ATXN10: variants seen among roughly 807,000 people sequenced by gnomAD.
ATXN10 encodes the protein ataxin-10.
ATXN10 carries 28 observed loss-of-function variants against 52.9 expected under a neutral mutation model. The ratio of observed to expected loss-of-function variants is 0.53; its 90% CI spans 0.39 to 0.73. The LOEUF (loss-of-function observed/expected upper bound fraction) is 0.73. ATXN10 is among the 30% of genes least tolerant of loss of function. ATXN10 has a pLI of 0.00. For missense variants in ATXN10, 565 were observed against 577.0 expected, an observed-to-expected ratio of 0.98 and a Z score of 0.21; for synonymous variants, 226 against 221.5, an observed-to-expected ratio of 1.02 and a Z score of -0.18.
At chr22:45,807,739 C>A (rs181953525) in intron 10 of ATXN10, among the ~76,000 whole-genome samples, 1 of 152,200 alleles carries the variant, frequency 6.6e-6, no homozygotes, top group African/African-American at 2.4e-5. Flanking sequence ...TTTAATTTCA[C>A]GAACTTCCCT....
chr22:45,821,070 C>G (rs989988614), intron 10 of ATXN10, among the ~76,000 whole-genome samples: 17 of 152,178 alleles, frequency 1.1e-4, no homozygotes, highest in African/African-American at 3.9e-4. Context: ...AATGATGACT[C>G]TGTCAGATTC....
chr22:45,721,453 C>A (rs1924646524), intron 6 of ATXN10, among the ~76,000 whole-genome samples: 1 of 152,170 alleles, frequency 6.6e-6, no homozygotes, highest in South Asian at 2.1e-4. Flanking sequence ...CAGTGCCTGG[C>A]ATGTAATGGT....
chr22:45,695,742 T>C (rs1923581765), intron 3 of ATXN10, among the ~76,000 whole-genome samples: 1 of 151,908 alleles, frequency 6.6e-6, no homozygotes, highest in Non-Finnish European at 1.5e-5. Context: ...TCTACCCACC[T>C]CGGCCTCTCA....
chr22:45,844,450 T>C lies in ATXN10; in HGVS notation c.*779T>C, dbSNP rs1929445803. On this transcript the variant is annotated 3_prime_UTR_variant, in exon 12 of 12. Coordinates refer to ENST00000252934, the MANE Select transcript of ATXN10 (RefSeq NM_013236.4). ...TGCAGTGCCGTAGATTAAAGGTACATTTCTATCTTCTTTGATTTAAAAAGC... is the reference window on the plus strand; with the variant it reads ...TGCAGTGCCGTAGATTAAAGGTACACTTCTATCTTCTTTGATTTAAAAAGC... The C allele has an allele frequency of 6.6e-6, 1 of 152,234 alleles. No individual in the cohort carries two copies. Among genetic ancestry groups the C allele is most frequent in the Non-Finnish European group, 1.5e-5 (1 of 68,058 alleles). The allele number at this position is 152,234 out of a possible 1,614,324, so 9.4% of individuals were successfully genotyped here.
chr22:45,805,793 CTG>C lies in ATXN10; in HGVS notation c.1174-1163_1174-1162del, dbSNP rs1032701204. 6.6e-6 allele frequency among the ~76,000 whole-genome samples: 1 copy of C among 152,102 alleles called. No individual in the cohort carries two copies. The highest frequency in any genetic ancestry group is 2.4e-5 in the African/African-American group (1 of 41,394). ...GGATCATGCTAATGGTTATATAACT[CTG>C]TGAATATACTGAAAACCACCAAATT... On this transcript the variant is annotated intron_variant, in intron 9 of 11. Coordinates refer to ENST00000252934, the MANE Select transcript of ATXN10 (RefSeq NM_013236.4). This position sits in a 1 kb window ranked among gnomAD's most constrained non-coding sequence, Gnocchi z 4.4.
In ATXN10 at chr22:45,775,779, C is replaced by T. The variant is rs1053305222; in HGVS notation, c.1174-31180C>T. On this transcript the variant is annotated intron_variant, in intron 9 of 11. Transcript: ENST00000252934. This position sits in a 1 kb window ranked among gnomAD's most constrained non-coding sequence, Gnocchi z 4.7. ...TGCCTCATGTCATGACCTGGGTCTC[C>T]GATTTATTTAGCACGGTAGCACCAA... is the stretch of plus-strand genomic sequence containing the variant. Among the ~76,000 whole-genome samples the T allele has an allele frequency of 1.3e-5, 2 of 152,142 alleles. No homozygotes were observed. Among genetic ancestry groups the T allele is most frequent in the African/African-American group, 4.8e-5 (2 of 41,426 alleles).
rs191494841 is a variant in ATXN10, at chr22:45,682,482, A to T, written c.117-7230A>T. ...ACCACCACACCCGGCTATTTTTTAA[A>T]TTTTTTTTGTAGAGACAGGGTCTTA... On this transcript the variant is annotated intron_variant, in intron 1 of 11. Coordinates refer to ENST00000252934, the MANE Select transcript of ATXN10 (RefSeq NM_013236.4). Among the ~76,000 whole-genome samples, 6 of 151,684 alleles carry T rather than the reference A, an allele frequency of 4.0e-5. No homozygotes were observed. In the East Asian group the frequency reaches 9.7e-4, roughly 25 times the overall value.
At chr22:45,832,502 G>A (rs1929026967) in intron 10 of ATXN10, among the ~76,000 whole-genome samples, 1 of 152,180 alleles carries the variant, frequency 6.6e-6, no homozygotes, top group Non-Finnish European at 1.5e-5. Context: ...ATTATGCTCT[G>A]TCACCCCTTT....
rs138156 is a variant in ATXN10, at chr22:45,718,518, G to T, written c.728+25G>T. On this transcript the variant is annotated intron_variant, in intron 6 of 11. Coordinates refer to ENST00000252934, the MANE Select transcript of ATXN10 (RefSeq NM_013236.4). The surrounding 1 kb of genome is among the most constrained non-coding windows in gnomAD (Gnocchi z 4.4). ...GGTAACCCCCCAACCAGCGTGGTCT[G>T]GAGTATTTAGCATTCCATATAGGGT... 0.35 allele frequency: 553,256 copies of T among 1,594,808 alleles called. 100,704 individuals carry two copies. The highest frequency in any genetic ancestry group is 0.65 in the African/African-American group (48,511 of 74,526).
chr22:45,678,237 A>G lies in ATXN10; in HGVS notation c.116+6058A>G, dbSNP rs1298011539. The G allele has an allele frequency of 6.6e-6, 1 of 152,236 alleles. No homozygotes were observed. The highest frequency in any genetic ancestry group is 2.4e-5 in the African/African-American group (1 of 41,456). 9.4% of individuals were successfully genotyped at this position (152,236 alleles called of 1,614,324 possible). ...CAACATGGCAAATTTTATGTTATAT[A>G]TATGTATTTTACCACAGTTAAAAAA... On this transcript the variant is annotated intron_variant, in intron 1 of 11. Transcript: ENST00000252934. The surrounding 1 kb of genome is among the most constrained non-coding windows in gnomAD (Gnocchi z 4.1).
intron 10 of ATXN10, among the ~76,000 whole-genome samples, chr22:45,838,514 C>G (rs1193853067): frequency 6.6e-6 from 1 of 152,206 alleles, no homozygotes; most frequent in Non-Finnish European, 1.5e-5. Flanking sequence ...CTTTCTAAAG[C>G]TAAGCATACA....
chr22:45,743,761 A>G (rs1227008470), intron 9 of ATXN10, among the ~76,000 whole-genome samples: 2 of 152,168 alleles, frequency 1.3e-5, no homozygotes, highest in East Asian at 1.9e-4. Flanking sequence ...AATTACATAT[A>G]TTATCAACTT....
rs1207127768 is a variant in ATXN10 at position 45,763,038 on chromosome 22, C to G, written c.1173+22500C>G. On this transcript the variant is annotated intron_variant, in intron 9 of 11. Coordinates refer to ENST00000252934, the MANE Select transcript of ATXN10 (RefSeq NM_013236.4). The surrounding 1 kb of genome is among the most constrained non-coding windows in gnomAD (Gnocchi z 6.9). ...GAAGCGCTTTGTAAAGCCATGGCCT[C>G]TCCTGCGCAAAGAACTGCGTGGTCC... 6.6e-6 allele frequency among the ~76,000 whole-genome samples: 1 copy of G among 152,242 alleles called. No individual in the cohort carries two copies. Among genetic ancestry groups the G allele is most frequent in the Non-Finnish European group, 1.5e-5 (1 of 68,048 alleles).
chr22:45,730,516 C>T (rs1321357615), intron 7 of ATXN10, among the ~76,000 whole-genome samples: 2 of 152,180 alleles, frequency 1.3e-5, no homozygotes, highest in Non-Finnish European at 2.9e-5. Context: ...TCACTGCAAC[C>T]TCTGCCTCCT....
intron 2 of ATXN10, 55 bp from the exon 3 acceptor site, chr22:45,692,941 A>G: frequency 6.9e-7 from 1 of 1,457,944 alleles, no homozygotes; most frequent in Non-Finnish European, 9.6e-7. Context: ...AAACAGCCAT[A>G]GACAATATAT....
chr22:45,747,751 T>C (rs1925788562), intron 9 of ATXN10, among the ~76,000 whole-genome samples: 1 of 152,122 alleles, frequency 6.6e-6, no homozygotes, highest in African/African-American at 2.4e-5. Flanking sequence ...ATGTATAAAA[T>C]AGGGGCAGTT....
At chr22:45,839,491 G>T (rs1055762849) in intron 10 of ATXN10, among the ~76,000 whole-genome samples, 11 of 152,206 alleles carry the variant, frequency 7.2e-5, no homozygotes, top group Admixed American at 2.0e-4. Context: ...ACACCTGGCA[G>T]CCCTTCATCT....
chr22:45,821,471 C>G (rs943553219), intron 10 of ATXN10, among the ~76,000 whole-genome samples: 2 of 152,106 alleles, frequency 1.3e-5, no homozygotes, highest in Non-Finnish European at 2.9e-5. Context: ...AACCTCCTCT[C>G]CCTGCTAGGT....
intron 9 of ATXN10, among the ~76,000 whole-genome samples, chr22:45,800,531 T>G (rs1308679868): frequency 6.6e-6 from 1 of 152,106 alleles, no homozygotes; most frequent in Non-Finnish European, 1.5e-5. Context: ...GGAAAAATAC[T>G]GTGGCAGTTC....
Sources: gnomAD v4.1 joint callset for allele counts (sites outside exome capture counted in the v4.1 genomes callset) on GRCh38, gnomAD v4.1.1 for gene constraint, Gnocchi (gnomAD v3.1) non-coding constraint, MANE v1.5 for transcripts, NCBI Gene and HGNC (gene_info 2026-07-23, HGNC 2026-07-21) for gene names.